HEATR4: variants seen among roughly 807,000 people sequenced by gnomAD.
The protein encoded by HEATR4 is HEAT repeat containing 4.
Under a neutral mutation model 108.8 loss-of-function variants are expected in HEATR4, and 95 were observed. That is an observed-to-expected ratio of 0.87 (90% confidence interval 0.74 to 1.04). The LOEUF (loss-of-function observed/expected upper bound fraction) is 1.04. HEATR4 is among the 50% of genes least tolerant of loss of function. HEATR4 has a pLI of 0.00. For missense variants in HEATR4, 1,152 were observed against 1,253.8 expected, an observed-to-expected ratio of 0.92 and a Z score of 1.23; for synonymous variants, 443 against 459.4, an observed-to-expected ratio of 0.96 and a Z score of 0.46.
At chr14:73,577,125 T>C in the HEATR4 span, among the ~76,000 whole-genome samples, 3 of 151,428 alleles carry the variant, frequency 2.0e-5, no homozygotes, top group Non-Finnish European at 4.4e-5. Flanking sequence ...ACAGATGGGG[T>C]CTCCCAGTGT....
chr14:73,563,936 G>C (rs961677126), upstream of HEATR4, among the ~76,000 whole-genome samples: 1 of 151,964 alleles, frequency 6.6e-6, no homozygotes, highest in Non-Finnish European at 1.5e-5. Context: ...AGGAGTTCAA[G>C]GCTGCAATGA....
chr14:73,613,191 G>A, the HEATR4 span, among the ~76,000 whole-genome samples: 1 of 152,188 alleles, frequency 6.6e-6, no homozygotes, highest in Non-Finnish European at 1.5e-5. Flanking sequence ...AGGCTGGAGT[G>A]CCGTGGCTGG....
At chr14:73,594,508 T>G in the HEATR4 span, among the ~76,000 whole-genome samples, 1 of 152,052 alleles carries the variant, frequency 6.6e-6, no homozygotes, top group Non-Finnish European at 1.5e-5. Context: ...GTTTCCAAGT[T>G]TTTCAGTGAT....
rs1163134857 is a variant in HEATR4, at chr14:73,522,887, C to A, written c.266G>T (p.Ser89Ile). 2 of 1,614,148 alleles carry A rather than the reference C, an allele frequency of 1.2e-6. No homozygotes were observed. The highest frequency in any genetic ancestry group is 1.7e-5 in the Admixed American group (1 of 60,014). ...WQRGLPSIPY[S>I]QYSFDHLYNT... The stretch of plus-strand genomic sequence containing the variant: ...GTAGAGGTGGTCAAAGCTGTACTGG[C>A]TATAAGGAATGCTGGGCAGGCCTCG... Residue 89 changes from serine (S) to isoleucine (I), a missense_variant, in exon 3 of 18, where the codon AGC becomes ATC. Ser to Ile is a moderately radical substitution (Grantham distance 142, BLOSUM62 -2). Transcript: ENST00000553558.
At chr14:73,615,549 G>A in the HEATR4 span, among the ~76,000 whole-genome samples, 2,174 of 151,832 alleles carry the variant, frequency 0.014, 60 homozygotes, top group African/African-American at 0.049. Context: ...TCACCAACAT[G>A]GTGAAACCCC....
intron 1 of HEATR4, among the ~76,000 whole-genome samples, chr14:73,549,182 A>T (rs2140318561): frequency 8.8e-6 from 1 of 113,580 alleles, no homozygotes; most frequent in Non-Finnish European, 1.9e-5. Context: ...AGCTCTCTTC[A>T]ACCTGTTTTA....
At chr14:73,543,634 GA>G in intron 1 of HEATR4, 1 of 783,062 alleles carries the variant, frequency 1.3e-6, no homozygotes, top group Non-Finnish European at 1.8e-6. Context: ...GCCACGAGGG[GA>G]CAATCCCATC....
At chr14:73,509,567 TC>T in intron 7 of HEATR4, 94 bp from the exon 8 acceptor site, 1 of 1,288,692 alleles carries the variant, frequency 7.8e-7, no homozygotes, top group Non-Finnish European at 1.1e-6. Flanking sequence ...CCAACCTCAG[TC>T]CCAGCTGCAG....
chr14:73,577,592 AAGTGCAAT>A, the HEATR4 span, among the ~76,000 whole-genome samples: 1 of 150,804 alleles, frequency 6.6e-6, no homozygotes, highest in East Asian at 2.0e-4. Context: ...TCTCTTAGAA[AAGTGCAAT>A]AGTTAAAACT....
the HEATR4 span, among the ~76,000 whole-genome samples, chr14:73,632,629 A>T: frequency 1.3e-5 from 2 of 152,006 alleles, no homozygotes; most frequent in Admixed American, 6.6e-5. Flanking sequence ...GGATCACCTG[A>T]GGTCAGGAGT....
intron 14 of HEATR4, 37 bp from the exon 15 acceptor site, chr14:73,496,716 C>A: frequency 8.6e-7 from 1 of 1,165,758 alleles, no homozygotes; most frequent in South Asian, 1.2e-5. Flanking sequence ...TTATTCTACC[C>A]TGCCCTTTAA....
At chr14:73,508,391 A>G (rs977910597) in intron 8 of HEATR4, 97 bp from the exon 9 acceptor site, 4 of 953,300 alleles carry the variant, frequency 4.2e-6, no homozygotes, top group South Asian at 1.5e-5. Context: ...ACCCCACCTG[A>G]TATCTCACTT....
At chr14:73,508,750 T>C (rs368955250) in intron 8 of HEATR4, among the ~76,000 whole-genome samples, 11 of 33,418 alleles carry the variant, frequency 3.3e-4, no homozygotes, top group African/African-American at 1.6e-3. Context: ...AAACTCTGTC[T>C]CAAAAAAAAA....
chr14:73,629,082 A>T, the HEATR4 span, among the ~76,000 whole-genome samples: 2 of 151,982 alleles, frequency 1.3e-5, no homozygotes, highest in Non-Finnish European at 2.9e-5. Flanking sequence ...AAGAAAAAAA[A>T]ATTGCCACAG....
the HEATR4 span, chr14:73,593,626 A>G: frequency 1.4e-6 from 2 of 1,401,116 alleles, no homozygotes; most frequent in East Asian, 4.6e-5. Flanking sequence ...TACAAGCATG[A>G]ACCACAGTGT....
intron 1 of HEATR4, among the ~76,000 whole-genome samples, chr14:73,545,591 A>G (rs1227193192): frequency 1.3e-4 from 10 of 74,124 alleles, no homozygotes; most frequent in African/African-American, 3.8e-4. Context: ...AGATGATGCA[A>G]TCTGGGACAG....
In HEATR4 at chr14:73,522,581, C is replaced by T. The variant is rs761598455; in HGVS notation, c.572G>A (p.Trp191Ter). 8.0e-5 allele frequency: 129 copies of T among 1,614,076 alleles called. No individual in the cohort carries two copies. The highest frequency in any genetic ancestry group is 1.0e-4 in the Non-Finnish European group (121 of 1,180,036). Residue 191 changes from tryptophan (W) to a stop codon, truncating the protein, a stop_gained, in exon 3 of 18, where the codon TGG becomes TAG. Transcript: ENST00000553558. LOFTEE classifies it high-confidence loss of function. ...LDVNLEEREA[W>*]LLPPEKEARA... ...GGCCTCCTTCTCAGGAGGCAGAAGC[C>T]AGGCTTCTCTTTCCTCCAGGTTCAC...
the HEATR4 span, among the ~76,000 whole-genome samples, chr14:73,606,873 G>C: frequency 6.6e-6 from 1 of 152,166 alleles, no homozygotes; most frequent in Non-Finnish European, 1.5e-5. Context: ...TAGAGTAGTT[G>C]ATTCTGAGCT....
chr14:73,548,950 CTTT>C (rs529991322), intron 1 of HEATR4, among the ~76,000 whole-genome samples: 1 of 104,856 alleles, frequency 9.5e-6, no homozygotes. Flanking sequence ...CTCTCTCTCT[CTTT>C]TTTTTTTTTC....
Sources: allele counts gnomAD v4.1 joint callset (sites outside exome capture counted in the v4.1 genomes callset), GRCh38; gene constraint gnomAD v4.1.1; transcripts MANE v1.5; gene names NCBI Gene and HGNC (gene_info 2026-07-23, HGNC 2026-07-21).